GTF2A1: variants seen among roughly 807,000 people sequenced by gnomAD.
GTF2A1 encodes the protein transcription initiation factor IIA subunit 1.
GTF2A1 carries 12 observed loss-of-function variants against 54.1 expected under a neutral mutation model. That is an observed-to-expected ratio of 0.22 (90% CI 0.14 to 0.36). GTF2A1 has a LOEUF of 0.36. Among genes scored for constraint, GTF2A1 ranks in the 10% least tolerant of loss-of-function variants. GTF2A1 has a pLI of 1.00. For missense variants in GTF2A1, 335 were observed against 442.2 expected (o/e 0.76, Z 2.17); for synonymous variants, 145 against 152.0 (o/e 0.95, Z 0.34).
At chr14:81,207,837 T>C (rs1027785366) in intron 2 of GTF2A1, among the ~76,000 whole-genome samples, 8 of 152,184 alleles carry the variant, frequency 5.3e-5, no homozygotes, top group African/African-American at 1.9e-4. Context: ...GCCCGAGAGA[T>C]TTGTGGAACT....
Position 81,192,565 on chromosome 14 carries a change from T to A in GTF2A1, c.887A>T (p.Glu296Val). The A allele has an allele frequency of 6.2e-7, 1 of 1,613,684 alleles. No homozygotes were observed. Among genetic ancestry groups the A allele is most frequent in the African/African-American group, 1.3e-5 (1 of 75,022 alleles). Reference protein sequence around the residue: ...DEEEDYDDDEEEDKEKDGAED... With the variant: ...DEEEDYDDDEVEDKEKDGAED... ...AGCTCCATCTTTCTCTTTGTCTTCC[T>A]CCTCATCATCATCATAGTCTTCTTC... Residue 296 changes from glutamate (E) to valine (V), a missense_variant, in exon 7 of 9, where the codon GAG becomes GTG. Glu to Val is a moderately radical substitution (Grantham distance 121). Coordinates refer to ENST00000553612, the MANE Select transcript of GTF2A1 (RefSeq NM_015859.4).
chr14:81,195,874 T>G (rs140864634), intron 6 of GTF2A1, among the ~76,000 whole-genome samples: 6 of 151,648 alleles, frequency 4.0e-5, no homozygotes. Flanking sequence ...GGAAGGAGAG[T>G]GCTGCCACCT....
chr14:81,212,690 A>G (rs1022857857), intron 2 of GTF2A1, among the ~76,000 whole-genome samples: 1 of 152,232 alleles, frequency 6.6e-6, no homozygotes, highest in Non-Finnish European at 1.5e-5. Context: ...AAAATATGAA[A>G]TTAAAGTTCG....
chr14:81,188,619 T>A (rs75851142), intron 7 of GTF2A1, among the ~76,000 whole-genome samples: 1 of 149,758 alleles, frequency 6.7e-6, no homozygotes, highest in Non-Finnish European at 1.5e-5. Flanking sequence ...AAAAAAAAAA[T>A]ACAAAAAATT....
chr14:81,192,741 A>T lies in GTF2A1; in HGVS notation c.711T>A (p.Pro237=). 6.2e-7 allele frequency: 1 copy of T among 1,613,608 alleles called. No homozygotes were observed. The change falls in exon 7 of 9, where the codon CCT becomes CCA. Residue 237 remains proline (P), a synonymous_variant. Coordinates refer to ENST00000553612, the MANE Select transcript of GTF2A1 (RefSeq NM_015859.4). The part of the protein sequence containing the change: ...LFTGNKTQVI[P]TTVAAPTPAQ... ...CTGGTGTAGGTGCTGCCACTGTCGT[A>T]GGTATAACTTGAGTCTTATTTCCTG... is the stretch of plus-strand genomic sequence containing the variant.
chr14:81,219,349 C>A (rs1893557655), intron 1 of GTF2A1, among the ~76,000 whole-genome samples: 1 of 152,224 alleles, frequency 6.6e-6, no homozygotes, highest in South Asian at 2.1e-4. Flanking sequence ...CCCAGCCCCG[C>A]TCTCAGCAGC....
intron 8 of GTF2A1, among the ~76,000 whole-genome samples, chr14:81,183,710 A>G (rs1316434538): frequency 6.6e-6 from 1 of 152,210 alleles, no homozygotes; most frequent in Non-Finnish European, 1.5e-5. Flanking sequence ...ATGCTGTATC[A>G]GCCCTTATCC....
intron 2 of GTF2A1, among the ~76,000 whole-genome samples, chr14:81,211,794 AGAATAAATGAAAT>A (rs1297719169): frequency 4.1e-4 from 62 of 151,026 alleles, no homozygotes; most frequent in Non-Finnish European, 2.9e-4. Flanking sequence ...GCTTTCCCTA[AGAATAAATGAAAT>A]GAAATAGTAG....
chr14:81,219,447 T>A (rs1364929360), intron 1 of GTF2A1, among the ~76,000 whole-genome samples: 1 of 152,158 alleles, frequency 6.6e-6, no homozygotes, highest in Non-Finnish European at 1.5e-5. Context: ...GCAGAGTCTA[T>A]ATTAGAGAGC....
At chr14:81,204,154 G>A in intron 2 of GTF2A1, 50 bp from the exon 3 acceptor site, 1 of 1,141,604 alleles carries the variant, frequency 8.8e-7, no homozygotes, top group Non-Finnish European at 1.3e-6. Context: ...ACTCTGGACA[G>A]ATGAATACAA....
intron 3 of GTF2A1, among the ~76,000 whole-genome samples, 179 bp downstream of exon 3, chr14:81,203,721 C>T (rs1893163916): frequency 6.6e-6 from 1 of 152,288 alleles, no homozygotes; most frequent in African/African-American, 2.4e-5. Context: ...ACATACACAT[C>T]CCTCAGCCAA....
intron 2 of GTF2A1, among the ~76,000 whole-genome samples, 190 bp downstream of exon 2, chr14:81,216,223 A>G (rs1032885566): frequency 6.6e-6 from 1 of 152,232 alleles, no homozygotes; most frequent in Middle Eastern, 3.2e-3. Flanking sequence ...CTTACGTATA[A>G]GAAAACTGAA....
At chr14:81,195,535 G>C (rs1595215918) in intron 6 of GTF2A1, among the ~76,000 whole-genome samples, 1 of 151,256 alleles carries the variant, frequency 6.6e-6, no homozygotes, top group East Asian at 1.9e-4. Flanking sequence ...GGGAGGCTGA[G>C]GCAGGAGAAT....
chr14:81,201,834 G>C (rs1284341865), intron 3 of GTF2A1, among the ~76,000 whole-genome samples, 176 bp from the exon 4 acceptor site: 5 of 152,100 alleles, frequency 3.3e-5, no homozygotes, highest in African/African-American at 9.7e-5. Flanking sequence ...AATAACAGCT[G>C]TGATATACCC....
At chr14:81,181,916 C>T (rs1892647629) in intron 8 of GTF2A1, among the ~76,000 whole-genome samples, 1 of 152,204 alleles carries the variant, frequency 6.6e-6, no homozygotes, top group Non-Finnish European at 1.5e-5. Context: ...TTCTTCATGA[C>T]ATATTCCTGG....
At chr14:81,216,545 GAC>G (rs1198329672) in intron 1 of GTF2A1, 31 bp from the exon 2 acceptor site, 5 of 1,018,232 alleles carry the variant, frequency 4.9e-6, no homozygotes, top group Admixed American at 4.1e-5. Context: ...ACTTGAAAAA[GAC>G]AGTTTTTCAC....
At chr14:81,204,519 C>T (rs1385951190) in intron 2 of GTF2A1, among the ~76,000 whole-genome samples, 1 of 152,090 alleles carries the variant, frequency 6.6e-6, no homozygotes, top group Non-Finnish European at 1.5e-5. Flanking sequence ...TTTTCTGCAA[C>T]ATATAAAACA....
intron 4 of GTF2A1, among the ~76,000 whole-genome samples, chr14:81,197,913 T>C (rs568358186): frequency 2.0e-5 from 3 of 152,318 alleles, no homozygotes; most frequent in Admixed American, 2.0e-4. Context: ...TGTTTCCTTA[T>C]CCCCATTTCC....
intron 3 of GTF2A1, 93 bp from the exon 4 acceptor site, chr14:81,201,751 C>G (rs1234716271): frequency 3.9e-6 from 3 of 775,358 alleles, no homozygotes; most frequent in Non-Finnish European, 6.7e-6. Flanking sequence ...AAACTTTTTT[C>G]ATGTTTTTCA....
Sources: allele counts gnomAD v4.1 joint callset (sites outside exome capture counted in the v4.1 genomes callset), GRCh38; gene constraint gnomAD v4.1.1; transcripts MANE v1.5; gene names NCBI Gene and HGNC (gene_info 2026-07-23, HGNC 2026-07-21).